ABL2: variants seen among roughly 807,000 people sequenced by gnomAD.
ABL2 encodes the protein tyrosine-protein kinase ABL2.
In ABL2, 49 loss-of-function variants were observed where a neutral mutation model predicts 107.7. The ratio of observed to expected loss-of-function variants is 0.45; its 90% CI spans 0.36 to 0.58. The LOEUF is 0.58. Among genes scored for constraint, ABL2 ranks in the 20% least tolerant of loss-of-function variants. The pLI, the probability that ABL2 is intolerant of heterozygous loss-of-function variation, is 0.00. For missense variants in ABL2, 1,245 were observed against 1,457.0 expected (o/e 0.85, Z 2.37); for synonymous variants, 549 against 548.6 (o/e 1.00, Z -0.01).
At chr1:179,217,923 AACTAGGC>A (rs1271982008) in intron 1 of ABL2, among the ~76,000 whole-genome samples, 1 of 152,232 alleles carries the variant, frequency 6.6e-6, no homozygotes, top group Non-Finnish European at 1.5e-5. Flanking sequence ...TCTAAAAGGT[AACTAGGC>A]ACCAGCATAT....
chr1:179,195,213 A>T (rs1661239755), intron 1 of ABL2, among the ~76,000 whole-genome samples: 1 of 152,166 alleles, frequency 6.6e-6, no homozygotes, highest in Admixed American at 6.5e-5. Context: ...GCTGGGACCC[A>T]GGAGACTGAG....
At chr1:179,113,401 A>G (rs1654294822) in intron 9 of ABL2, among the ~76,000 whole-genome samples, 1 of 152,260 alleles carries the variant, frequency 6.6e-6, no homozygotes, top group African/African-American at 2.4e-5. Context: ...ATTCAGAAAT[A>G]TAAAAGGATA....
Position 179,108,784 on chromosome 1 carries a change from C to T in ABL2, c.2483G>A (p.Arg828Lys). 1.2e-6 allele frequency: 2 copies of T among 1,614,220 alleles called. No homozygotes were observed. The highest frequency in any genetic ancestry group is 2.2e-5 in the South Asian group (2 of 91,084). Residue 828 changes from arginine to lysine, a missense_variant, in exon 12 of 12, where the codon AGG becomes AAG. Around this residue, in one of 3 missense-constraint regions of ABL2, gnomAD observed 761 missense variants for 766.4 expected, o/e 0.99. Coordinates refer to ENST00000502732, the MANE Select transcript of ABL2 (RefSeq NM_007314.4). ...TTTTTTTGGAAGCATGTCATTGGCCCTGTCCACATTCTCTTCTGGCTGAGA... is the reference window on the plus strand; with the variant it reads ...TTTTTTTGGAAGCATGTCATTGGCCTTGTCCACATTCTCTTCTGGCTGAGA... ...TSSQPEENVDRANDMLPKKSE... is the reference protein window; with the variant it reads ...TSSQPEENVDKANDMLPKKSE...
chr1:179,112,746 C>T (rs534703368), intron 9 of ABL2, among the ~76,000 whole-genome samples: 1 of 150,834 alleles, frequency 6.6e-6, no homozygotes, highest in Non-Finnish European at 1.5e-5. Context: ...TGCAACACCA[C>T]GCCCAGCTAA....
At chr1:179,194,389 T>C (rs986366818) in intron 1 of ABL2, among the ~76,000 whole-genome samples, 3 of 152,198 alleles carry the variant, frequency 2.0e-5, no homozygotes, top group African/African-American at 7.2e-5. Flanking sequence ...ATCATGAACA[T>C]TAAGTAGAGT....
At chr1:179,137,790 C>A (rs1657176393) in intron 1 of ABL2, 1 of 152,176 alleles carries the variant, frequency 6.6e-6, no homozygotes, top group African/African-American at 2.4e-5. Context: ...TGGGCTCACA[C>A]AATCAGGAGC....
chr1:179,105,802 T>G lies in ABL2; in HGVS notation c.*1916A>C, dbSNP rs932954598. The G allele has an allele frequency of 8.9e-6, 2 of 225,124 alleles. No homozygotes were observed. Among genetic ancestry groups the G allele is most frequent in the African/African-American group, 4.5e-5 (2 of 44,920 alleles). 13.9% of individuals were successfully genotyped at this position (225,124 alleles called of 1,614,324 possible). A position where few individuals can be genotyped will look rare whatever the true frequency, so the allele number is the denominator to read the frequency against. Reference sequence around the variant, plus strand: ...TCTATTCAAAACATAGTTTTCCCCTTAGTATTCTAGCCCAATTCATATAAT... The same window carrying G: ...TCTATTCAAAACATAGTTTTCCCCTGAGTATTCTAGCCCAATTCATATAAT... On this transcript the variant is annotated 3_prime_UTR_variant, in exon 12 of 12. Transcript: ENST00000502732.
chr1:179,220,386 T>C (rs1662807243), intron 1 of ABL2, among the ~76,000 whole-genome samples: 1 of 152,240 alleles, frequency 6.6e-6, no homozygotes, highest in African/African-American at 2.4e-5. Context: ...GGGGAGATGC[T>C]GGTTTTTCTT....
intron 1 of ABL2, among the ~76,000 whole-genome samples, chr1:179,177,853 G>T (rs1042085784): frequency 6.6e-6 from 1 of 152,060 alleles, no homozygotes; most frequent in Non-Finnish European, 1.5e-5. Flanking sequence ...TTTCTTTTCC[G>T]TAATGAATTA....
chr1:179,152,972 A>T (rs1658450876), intron 1 of ABL2, among the ~76,000 whole-genome samples: 1 of 152,234 alleles, frequency 6.6e-6, no homozygotes, highest in Non-Finnish European at 1.5e-5. Context: ...TCAAAGAAAG[A>T]GTTGCAAGAA....
At chr1:179,132,298 T>C (rs2102669185) in intron 2 of ABL2, among the ~76,000 whole-genome samples, 1 of 152,332 alleles carries the variant, frequency 6.6e-6, no homozygotes, top group African/African-American at 2.4e-5. Context: ...CTTAAGCCTT[T>C]ACAGTTTCTA....
chr1:179,117,632 G>T, intron 7 of ABL2, 116 bp from the exon 8 acceptor site: 1 of 959,294 alleles, frequency 1.0e-6, no homozygotes, highest in Non-Finnish European at 1.5e-6. Context: ...GACAAATATG[G>T]TAGTATCTTC....
chr1:179,120,762 G>T (rs1371453505), intron 5 of ABL2, among the ~76,000 whole-genome samples: 1 of 152,110 alleles, frequency 6.6e-6, no homozygotes, highest in African/African-American at 2.4e-5. Context: ...AAAGAAAAAT[G>T]CCCTGGAGTA....
chr1:179,185,891 T>G (rs1307032484), intron 1 of ABL2, among the ~76,000 whole-genome samples: 1 of 152,180 alleles, frequency 6.6e-6, no homozygotes. Flanking sequence ...GCTACTTTTA[T>G]AAGTCCTATT....
chr1:179,229,167 T>TACCCCCCCCCCCCC, intron 1 of ABL2, 74 bp downstream of exon 1: 1 of 402,572 alleles, frequency 2.5e-6, no homozygotes, highest in Non-Finnish European at 4.6e-6. Context: ...GGGCAGCCCG[T>TACCCCCCCCCCCCC]CCGCCACCCA....
At chr1:179,184,687 G>T (rs1660581483) in intron 1 of ABL2, 1 of 457,822 alleles carries the variant, frequency 2.2e-6, no homozygotes, top group Non-Finnish European at 4.0e-6. Flanking sequence ...TGAAGGAGAA[G>T]ATGACTAATA....
Position 179,115,014 on chromosome 1 carries a change from C to T in ABL2, c.1425G>A (p.Leu475=), listed in dbSNP as rs574635664. ...KSDVWAFGVL[L]WEIATYGMSP... is the part of the protein sequence containing the mutation. ...ACATTCCATAGGTAGCAATTTCCCA[C>T]AACAATACCCCAAAAGCTGCATAAG... Residue 475 remains leucine, a synonymous_variant, in exon 9 of 12, where the codon TTG becomes TTA. Coordinates refer to ENST00000502732, the MANE Select transcript of ABL2 (RefSeq NM_007314.4). 5 of 1,606,678 alleles carry T rather than the reference C, an allele frequency of 3.1e-6. No individual in the cohort carries two copies. Among genetic ancestry groups the T allele is most frequent in the Admixed American group, 1.7e-5 (1 of 58,660 alleles).
chr1:179,151,964 A>G (rs1658387541), intron 1 of ABL2, among the ~76,000 whole-genome samples: 1 of 152,198 alleles, frequency 6.6e-6, no homozygotes, highest in Non-Finnish European at 1.5e-5. Context: ...CTGATTATGT[A>G]ACCATAGGTA....
chr1:179,128,030 T>TA (rs11419750), intron 3 of ABL2, among the ~76,000 whole-genome samples: 47,748 of 124,752 alleles, frequency 0.38, 8,417 homozygotes, highest in East Asian at 0.52. Flanking sequence ...GTGAGACTGC[T>TA]AAAAAAAAAA....
Sources: gnomAD v4.1 joint callset for allele counts (sites outside exome capture counted in the v4.1 genomes callset) on GRCh38, gnomAD v4.1.1 for gene constraint, gnomAD v4.1.1 regional missense constraint, MANE v1.5 for transcripts, NCBI Gene and HGNC (gene_info 2026-07-23, HGNC 2026-07-21) for gene names.